Variants in RAD51B observed in about 807,000 individuals in gnomAD.
The protein encoded by RAD51B is DNA repair protein RAD51 homolog 2.
RAD51B carries 38 observed loss-of-function variants against 42.2 expected under a neutral mutation model. That is an observed-to-expected ratio of 0.90 (90% CI 0.70 to 1.18). The LOEUF (loss-of-function observed/expected upper bound fraction) is 1.18. RAD51B is among the 50% of genes most tolerant of loss of function. RAD51B has a pLI of 0.00. For synonymous variants in RAD51B, 154 were observed against 145.2 expected (o/e 1.06, Z -0.43); for missense variants, 373 against 400.7 (o/e 0.93, Z 0.59).
chr14:68,017,423 G>A (rs974368128), intron 7 of RAD51B, among the ~76,000 whole-genome samples: 2 of 151,846 alleles, frequency 1.3e-5, no homozygotes, highest in Admixed American at 6.6e-5. Context: ...CTTGAACTCC[G>A]GAGCTCAGGC....
intron 8 of RAD51B, among the ~76,000 whole-genome samples, chr14:68,405,967 T>G (rs762947447): frequency 6.6e-6 from 1 of 152,188 alleles, no homozygotes; most frequent in Non-Finnish European, 1.5e-5. Flanking sequence ...GCAACTAATT[T>G]CTAGAGTTTA....
chr14:67,914,003 G>A (rs1462560114), intron 7 of RAD51B, among the ~76,000 whole-genome samples: 2 of 147,668 alleles, frequency 1.4e-5, no homozygotes, highest in Non-Finnish European at 1.5e-5. Context: ...TTTTTTTTGA[G>A]ATGGGGCCTC....
At chr14:68,679,788 T>TTCAGCTGTACC (rs1456849735) in intron 11 of RAD51B, among the ~76,000 whole-genome samples, 2 of 152,242 alleles carry the variant, frequency 1.3e-5, no homozygotes, top group African/African-American at 2.4e-5. Context: ...ACAGCTGTAC[T>TTCAGCTGTACC]TCAGCTGTAC....
intron 7 of RAD51B, among the ~76,000 whole-genome samples, chr14:68,093,594 CTTCTTTA>C (rs1472439982): frequency 6.6e-6 from 1 of 151,600 alleles, no homozygotes; most frequent in African/African-American, 2.4e-5. Flanking sequence ...TCTCTTTTTT[CTTCTTTA>C]TTAGTCTTGC....
At chr14:68,067,931 C>CAAAAAAAAAAA (rs913150528) in intron 7 of RAD51B, among the ~76,000 whole-genome samples, 1 of 24,704 alleles carries the variant, frequency 4.0e-5, no homozygotes, top group Non-Finnish European at 9.0e-5. Context: ...GACTCCATCT[C>CAAAAAAAAAAA]AAAAAAAAAA....
intron 7 of RAD51B, among the ~76,000 whole-genome samples, chr14:68,093,020 TGAACCAGCCTTG>T (rs1278288395): frequency 2.7e-5 from 4 of 150,292 alleles, no homozygotes; most frequent in African/African-American, 9.9e-5. Context: ...TTTCGTATGT[TGAACCAGCCTTG>T]CATCCCAGGG....
rs574721132 is a variant in RAD51B at position 68,561,687 on chromosome 14, T to C, written c.1037-32798T>C. ...TGGAGAGATGTTTACATCTGGGCAC[T>C]GGCAGAGCCTTCTGGACAGGCCATC... On this transcript the variant is annotated intron_variant, in intron 10 of 10. Transcript: ENST00000487270. 2.0e-5 allele frequency among the ~76,000 whole-genome samples: 3 copies of C among 152,214 alleles called. No homozygotes were observed. The South Asian group carries it at 6.2e-4, about 31-fold the overall frequency.
At chr14:68,534,921 T>C (rs539293983) in intron 10 of RAD51B, among the ~76,000 whole-genome samples, 1 of 152,166 alleles carries the variant, frequency 6.6e-6, no homozygotes, top group African/African-American at 2.4e-5. Context: ...CCAAGGGTAC[T>C]AGTAAGTGCT....
intron 7 of RAD51B, among the ~76,000 whole-genome samples, chr14:68,276,955 A>G (rs1236620015): frequency 3.9e-5 from 6 of 152,222 alleles, no homozygotes; most frequent in Non-Finnish European, 4.4e-5. Flanking sequence ...TCCCACTTTT[A>G]GCTGCACTTG....
At chr14:68,579,459 T>A (rs1417327141) in intron 10 of RAD51B, among the ~76,000 whole-genome samples, 1 of 152,170 alleles carries the variant, frequency 6.6e-6, no homozygotes, top group Non-Finnish European at 1.5e-5. Flanking sequence ...GTGTTTGTGT[T>A]TGAGGATAGA....
intron 8 of RAD51B, among the ~76,000 whole-genome samples, chr14:68,317,304 A>AACATCTTATC (rs11282617): frequency 6.6e-6 from 1 of 151,600 alleles, no homozygotes; most frequent in African/African-American, 2.4e-5. Context: ...GTTCACTTTG[A>AACATCTTATC]ACATATTTAT....
intron 10 of RAD51B, among the ~76,000 whole-genome samples, chr14:68,544,292 C>G (rs944684834): frequency 1.1e-4 from 16 of 152,198 alleles, no homozygotes; most frequent in Admixed American, 7.9e-4. Context: ...AAGGTTAATA[C>G]TGACTCAGAA....
At chr14:68,024,390 A>T (rs1171184149) in intron 7 of RAD51B, among the ~76,000 whole-genome samples, 2 of 152,172 alleles carry the variant, frequency 1.3e-5, no homozygotes, top group Non-Finnish European at 2.9e-5. Flanking sequence ...TGGTAGTTTG[A>T]TAGGAATAGC....
chr14:68,075,214 G>T (rs1000508639), intron 7 of RAD51B, among the ~76,000 whole-genome samples: 1 of 152,166 alleles, frequency 6.6e-6, no homozygotes, highest in Admixed American at 6.5e-5. Context: ...AAACAGAGGG[G>T]AGTGAGAGAT....
chr14:67,927,116 A>G (rs1160099052), intron 7 of RAD51B, among the ~76,000 whole-genome samples: 1 of 152,238 alleles, frequency 6.6e-6, no homozygotes, highest in Non-Finnish European at 1.5e-5. Context: ...TCAGGGTAGA[A>G]TAATTCTTGA....
chr14:68,580,146 A>G (rs1049206673), intron 10 of RAD51B, among the ~76,000 whole-genome samples: 5 of 152,160 alleles, frequency 3.3e-5, no homozygotes, highest in African/African-American at 1.2e-4. Context: ...CCCAGGACAA[A>G]ACAGGGCCCG....
chr14:68,395,297 G>A (rs1322101760), intron 8 of RAD51B, among the ~76,000 whole-genome samples: 1 of 152,066 alleles, frequency 6.6e-6, no homozygotes, highest in Admixed American at 6.5e-5. Context: ...CAAACACTAT[G>A]GGTTTTTGAA....
At chr14:67,871,221 T>G (rs2042518713) in intron 5 of RAD51B, among the ~76,000 whole-genome samples, 1 of 151,396 alleles carries the variant, frequency 6.6e-6, no homozygotes. Flanking sequence ...GAGAGAAGAA[T>G]CAAATAGATG....
At chr14:68,143,297 A>G (rs550109813) in intron 7 of RAD51B, among the ~76,000 whole-genome samples, 11 of 152,272 alleles carry the variant, frequency 7.2e-5, no homozygotes, top group African/African-American at 2.4e-4. Flanking sequence ...TTCTGTCAGG[A>G]TTTCTTGTTC....
Sources: allele counts gnomAD v4.1 joint callset (sites outside exome capture counted in the v4.1 genomes callset), GRCh38; gene constraint gnomAD v4.1.1; transcripts MANE v1.5; gene names NCBI Gene and HGNC (gene_info 2026-07-23, HGNC 2026-07-21).